The following ERC2 variants were observed in gnomAD, a reference collection of about 807,000 sequenced individuals.
ERC2 encodes the protein ERC protein 2.
ERC2 carries 42 observed loss-of-function variants against 114.8 expected under a neutral mutation model. The ratio of observed to expected loss-of-function variants is 0.37; its 90% CI spans 0.29 to 0.47. The LOEUF is 0.47. Among genes scored for constraint, ERC2 ranks in the 20% least tolerant of loss-of-function variants. The pLI is 0.99. For missense variants in ERC2, 939 were observed against 1,150.7 expected (o/e 0.82, Z 2.66); for synonymous variants, 454 against 425.5 (o/e 1.07, Z -0.82).
At chr3:55,906,293 A>G (rs564785526) in intron 13 of ERC2, among the ~76,000 whole-genome samples, 9 of 151,954 alleles carry the variant, frequency 5.9e-5, no homozygotes, top group East Asian at 1.9e-4. Context: ...TTAGCCGGGC[A>G]TGGTGGCAGG....
intron 12 of ERC2, among the ~76,000 whole-genome samples, chr3:55,961,674 C>T (rs187602358): frequency 4.7e-5 from 7 of 150,212 alleles, no homozygotes; most frequent in Admixed American, 3.4e-4. Context: ...GAAACAAGTC[C>T]CCCTTTTTTG....
chr3:56,220,215 T>C (rs2049808419), intron 3 of ERC2, among the ~76,000 whole-genome samples: 2 of 152,188 alleles, frequency 1.3e-5, no homozygotes, highest in Admixed American at 6.5e-5. Context: ...ATCATGATTA[T>C]TTCTATGTGT....
chr3:56,349,908 G>A (rs1246799562), intron 2 of ERC2, among the ~76,000 whole-genome samples: 18 of 132,686 alleles, frequency 1.4e-4, no homozygotes, highest in African/African-American at 2.8e-4. Context: ...GCAAGACTCC[G>A]TCTCAAAAAA....
In ERC2 at chr3:55,755,658, C is replaced by G. The variant is rs2067004776; in HGVS notation, c.2565-20740G>C. 2.6e-5 allele frequency among the ~76,000 whole-genome samples: 4 copies of G among 152,254 alleles called. No individual in the cohort carries two copies. In the South Asian group the frequency reaches 6.2e-4, roughly 24 times the overall value. On this transcript the variant is annotated intron_variant, in intron 14 of 17. Coordinates refer to ENST00000288221, the MANE Select transcript of ERC2 (RefSeq NM_015576.3). ...CTTGCAAAGCAGCCCCCTTTGAACA[C>G]TGAATCATGGGAGGCATTTGTAACT...
chr3:56,072,766 T>G (rs1479739464), intron 7 of ERC2, among the ~76,000 whole-genome samples: 2 of 152,202 alleles, frequency 1.3e-5, no homozygotes, highest in African/African-American at 4.8e-5. Flanking sequence ...TTCAAATGAC[T>G]GCAATGCTGG....
chr3:56,426,626 G>A (rs13433853), intron 2 of ERC2, among the ~76,000 whole-genome samples: 5,922 of 152,184 alleles, frequency 0.039, 287 homozygotes, highest in African/African-American at 0.11. Context: ...GGGTTTAGTT[G>A]TACATTTGGC....
chr3:55,712,397 A>G lies in ERC2; in HGVS notation c.2713-12885T>C, dbSNP rs2063821460. On this transcript the variant is annotated intron_variant, in intron 15 of 17. Transcript: ENST00000288221. ...AGAAGAGAAAAGGGGGGAAAGTGGT[A>G]GGTAGTTGATATGCTGGGATGTGAA... Among the ~76,000 whole-genome samples, 6 of 152,202 alleles carry G rather than the reference A, an allele frequency of 3.9e-5. No individual in the cohort carries two copies. In the South Asian group the frequency reaches 1.2e-3, roughly 31 times the overall value.
intron 13 of ERC2, among the ~76,000 whole-genome samples, chr3:55,937,133 G>T (rs1163695126): frequency 6.6e-6 from 1 of 152,182 alleles, no homozygotes; most frequent in Non-Finnish European, 1.5e-5. Flanking sequence ...TTGACATCAG[G>T]AGTTTGAGAC....
chr3:55,888,022 A>G (rs541879297), intron 14 of ERC2, among the ~76,000 whole-genome samples: 1 of 152,372 alleles, frequency 6.6e-6, no homozygotes, highest in East Asian at 1.9e-4. Context: ...ATAACTCCTC[A>G]GAAAAGTTTC....
intron 2 of ERC2, among the ~76,000 whole-genome samples, chr3:56,399,524 C>G (rs1317921836): frequency 1.3e-5 from 2 of 152,042 alleles, no homozygotes; most frequent in East Asian, 3.8e-4. Flanking sequence ...AAAATTAAAA[C>G]TTCACTAATA....
intron 14 of ERC2, among the ~76,000 whole-genome samples, chr3:55,860,061 T>C (rs1178531623): frequency 2.0e-5 from 3 of 152,128 alleles, no homozygotes; most frequent in African/African-American, 7.2e-5. Context: ...CTTGAGAGTT[T>C]AACTCTCCCA....
At chr3:55,733,507 C>T (rs1404026899) in intron 15 of ERC2, among the ~76,000 whole-genome samples, 1 of 140,018 alleles carries the variant, frequency 7.1e-6, no homozygotes, top group Non-Finnish European at 1.6e-5. Context: ...CTCTCTCTCT[C>T]TCATTCTCTC....
At chr3:56,361,031 G>A (rs1190190829) in intron 2 of ERC2, among the ~76,000 whole-genome samples, 1 of 152,190 alleles carries the variant, frequency 6.6e-6, no homozygotes, top group African/African-American at 2.4e-5. Flanking sequence ...ATCCTCGCAT[G>A]TTGAAGGTGG....
At chr3:56,075,917 A>G (rs936188465) in intron 7 of ERC2, among the ~76,000 whole-genome samples, 8 of 152,178 alleles carry the variant, frequency 5.3e-5, no homozygotes, top group African/African-American at 1.9e-4. Flanking sequence ...CTCAGGTATT[A>G]CTATAAAAAA....
chr3:56,093,550 C>T (rs2077903075), intron 6 of ERC2, among the ~76,000 whole-genome samples: 1 of 152,126 alleles, frequency 6.6e-6, no homozygotes, highest in Non-Finnish European at 1.5e-5. Context: ...TGAACTAGCA[C>T]CTCAGCCATA....
chr3:56,203,560 G>A (rs2048527664), intron 3 of ERC2, among the ~76,000 whole-genome samples: 1 of 152,142 alleles, frequency 6.6e-6, no homozygotes, highest in South Asian at 2.1e-4. Flanking sequence ...CAATTAAAAT[G>A]TTCCAGGTAT....
At chr3:56,308,460 C>A (rs1307800032) in intron 2 of ERC2, among the ~76,000 whole-genome samples, 1 of 152,192 alleles carries the variant, frequency 6.6e-6, no homozygotes, top group Non-Finnish European at 1.5e-5. Context: ...CTACTGGAGT[C>A]AGAATCTAAT....
chr3:56,070,300 C>G (rs1287523233), intron 7 of ERC2, among the ~76,000 whole-genome samples: 1 of 152,044 alleles, frequency 6.6e-6, no homozygotes, highest in African/African-American at 2.4e-5. Flanking sequence ...AAGGCTCAAC[C>G]ACCTCTAATC....
At chr3:55,968,556 G>A (rs189543398) in intron 12 of ERC2, among the ~76,000 whole-genome samples, 47 of 152,210 alleles carry the variant, frequency 3.1e-4, no homozygotes, top group Non-Finnish European at 3.7e-4. Context: ...TCTCCAGGCC[G>A]TCAAAAACAC....
Sources: allele counts gnomAD v4.1 joint callset (sites outside exome capture counted in the v4.1 genomes callset), GRCh38; gene constraint gnomAD v4.1.1; transcripts MANE v1.5; gene names NCBI Gene and HGNC (gene_info 2026-07-23, HGNC 2026-07-21).